The following NLGN1 variants were observed in gnomAD, a reference collection of about 807,000 sequenced individuals.
NLGN1 encodes neuroligin-1.
In NLGN1, 12 loss-of-function variants were observed where a neutral mutation model predicts 65.5. The observed-to-expected ratio is 0.18, with a 90% confidence interval of 0.12 to 0.30. The LOEUF (loss-of-function observed/expected upper bound fraction) is 0.30. NLGN1 is among the 10% of genes least tolerant of loss of function. The pLI is 1.00. For synonymous variants in NLGN1, 350 were observed against 359.5 expected, an observed-to-expected ratio of 0.97 and a Z score of 0.30; for missense variants, 750 against 1,007.1, an observed-to-expected ratio of 0.74 and a Z score of 3.46.
intron 4 of NLGN1, among the ~76,000 whole-genome samples, chr3:174,159,777 T>A (rs996375541): frequency 6.6e-6 from 1 of 151,728 alleles, no homozygotes; most frequent in African/African-American, 2.4e-5. Context: ...CCCTAACCTT[T>A]GAAATTCCAA....
chr3:173,730,328 C>CT (rs1057263582), intron 3 of NLGN1, among the ~76,000 whole-genome samples: 4 of 137,528 alleles, frequency 2.9e-5, no homozygotes, highest in South Asian at 2.3e-4. Context: ...CCGCTCCCCC[C>CT]CCCCCGCAAA....
At chr3:174,264,994 CG>C (rs1476100520) in intron 4 of NLGN1, among the ~76,000 whole-genome samples, 1 of 152,128 alleles carries the variant, frequency 6.6e-6, no homozygotes, top group Non-Finnish European at 1.5e-5. Context: ...TTAGGCTGCT[CG>C]GGGGTCAGGG....
At chr3:173,791,913 G>C (rs1337538503) in intron 3 of NLGN1, among the ~76,000 whole-genome samples, 1 of 152,034 alleles carries the variant, frequency 6.6e-6, no homozygotes, top group Non-Finnish European at 1.5e-5. Flanking sequence ...GTCATTTCTA[G>C]CTCTAGCGTC....
At chr3:173,415,904 TAGAGAGAGAGAGAGGGAGAG>T (rs1391556522) in intron 1 of NLGN1, among the ~76,000 whole-genome samples, 59 of 125,458 alleles carry the variant, frequency 4.7e-4, no homozygotes, top group African/African-American at 1.9e-3. Flanking sequence ...TATATATATA[TAGAGAGAGAGAGAGGGAGAG>T]AGAGAGAGAG....
At chr3:174,157,957 C>T (rs1054025424) in intron 4 of NLGN1, among the ~76,000 whole-genome samples, 2 of 151,724 alleles carry the variant, frequency 1.3e-5, no homozygotes, top group African/African-American at 4.8e-5. Flanking sequence ...ACACCACTTA[C>T]AAAAATTACT....
intron 4 of NLGN1, among the ~76,000 whole-genome samples, chr3:173,889,133 A>G (rs944441123): frequency 2.6e-5 from 4 of 152,130 alleles, no homozygotes; most frequent in Non-Finnish European, 5.9e-5. Context: ...TGAAACTGTT[A>G]TTTCTCATCC....
chr3:174,030,974 TC>T, intron 4 of NLGN1, among the ~76,000 whole-genome samples: 1 of 152,294 alleles, frequency 6.6e-6, no homozygotes, highest in Middle Eastern at 3.4e-3. Flanking sequence ...AACACCACTC[TC>T]CCCTGGCCTA....
chr3:174,141,700 G>A (rs774247574), intron 4 of NLGN1, among the ~76,000 whole-genome samples: 1 of 152,126 alleles, frequency 6.6e-6, no homozygotes, highest in Non-Finnish European at 1.5e-5. Context: ...AACCACAGAA[G>A]CCACGTGCCA....
At chr3:173,564,882 G>A (rs1743369328) in intron 2 of NLGN1, among the ~76,000 whole-genome samples, 3 of 152,146 alleles carry the variant, frequency 2.0e-5, no homozygotes, top group African/African-American at 7.2e-5. Context: ...GAATTCATAA[G>A]GAAAATGTAT....
chr3:174,097,680 C>T (rs1245530998), intron 4 of NLGN1, among the ~76,000 whole-genome samples: 1 of 152,052 alleles, frequency 6.6e-6, no homozygotes, highest in East Asian at 1.9e-4. Flanking sequence ...TGAAGAAAAA[C>T]ATAATATGTA....
At chr3:173,527,730 C>T (rs2149167325) in intron 2 of NLGN1, among the ~76,000 whole-genome samples, 1 of 152,242 alleles carries the variant, frequency 6.6e-6, no homozygotes, top group South Asian at 2.1e-4. Flanking sequence ...ATTTCTTTTC[C>T]TATAGAGTTG....
At chr3:174,080,877 A>C (rs1742019492) in intron 4 of NLGN1, among the ~76,000 whole-genome samples, 2 of 149,384 alleles carry the variant, frequency 1.3e-5, no homozygotes, top group Non-Finnish European at 2.9e-5. Flanking sequence ...GACAGTTAAC[A>C]ACTGCCTAAC....
chr3:174,000,469 G>A (rs1000570807), intron 4 of NLGN1, among the ~76,000 whole-genome samples: 5 of 152,138 alleles, frequency 3.3e-5, no homozygotes, highest in African/African-American at 1.2e-4. Context: ...GTGAGTTGAT[G>A]AATCAGAGCG....
intron 4 of NLGN1, among the ~76,000 whole-genome samples, chr3:174,179,492 T>C (rs575856104): frequency 1.1e-4 from 17 of 152,266 alleles, no homozygotes; most frequent in African/African-American, 3.8e-4. Context: ...AAGCGGATTT[T>C]TTTTGTCTCC....
At chr3:173,742,948 A>G (rs1177688627) in intron 3 of NLGN1, among the ~76,000 whole-genome samples, 1 of 152,126 alleles carries the variant, frequency 6.6e-6, no homozygotes, top group Non-Finnish European at 1.5e-5. Context: ...ATTTGCATGT[A>G]CTTGTATTTA....
intron 3 of NLGN1, among the ~76,000 whole-genome samples, chr3:173,610,040 AT>A (rs1293252526): frequency 1.3e-5 from 2 of 151,820 alleles, no homozygotes; most frequent in Admixed American, 6.6e-5. Flanking sequence ...TGGTGGATGT[AT>A]TGAGAGTAGG....
At chr3:174,027,247 A>C (rs1476692312) in intron 4 of NLGN1, among the ~76,000 whole-genome samples, 2 of 152,138 alleles carry the variant, frequency 1.3e-5, no homozygotes, top group Non-Finnish European at 2.9e-5. Context: ...ATCCTGGCAA[A>C]CTGCTCTCTC....
intron 2 of NLGN1, among the ~76,000 whole-genome samples, chr3:173,495,693 A>AAC (rs1479862058): frequency 2.7e-5 from 4 of 150,072 alleles, no homozygotes; most frequent in East Asian, 3.9e-4. Flanking sequence ...AAAAAAAAAA[A>AAC]AAAACTCTAT....
chr3:174,289,668 G>A (rs1179271482), downstream of NLGN1, among the ~76,000 whole-genome samples: 7 of 151,102 alleles, frequency 4.6e-5, no homozygotes, highest in East Asian at 3.9e-4. Context: ...GGCCAGTCAA[G>A]TGTTGTCTTA....
Sources: gnomAD v4.1 joint callset for allele counts (sites outside exome capture counted in the v4.1 genomes callset) on GRCh38, gnomAD v4.1.1 for gene constraint, MANE v1.5 for transcripts, NCBI Gene and HGNC (gene_info 2026-07-23, HGNC 2026-07-21) for gene names.